Variants in AP3B1 observed in about 807,000 individuals in gnomAD.
The protein encoded by AP3B1 is AP-3 complex subunit beta-1.
In AP3B1, 61 loss-of-function variants were observed where a neutral mutation model predicts 132.5. The ratio of observed to expected loss-of-function variants is 0.46; its 90% confidence interval spans 0.37 to 0.57. The LOEUF (loss-of-function observed/expected upper bound fraction) is 0.57. Ranked by LOEUF, AP3B1 falls within the 20% of genes least tolerant of loss-of-function variation. AP3B1 has a pLI of 0.00. For synonymous variants in AP3B1, 388 were observed against 438.3 expected (o/e 0.89, Z 1.43); for missense variants, 1,120 against 1,289.4 (o/e 0.87, Z 2.01).
chr5:78,117,493 A>G (rs142917434), intron 17 of AP3B1, among the ~76,000 whole-genome samples: 5,327 of 151,934 alleles, frequency 0.035, 305 homozygotes, highest in African/African-American at 0.12. Flanking sequence ...TATTTTTAGT[A>G]GAGACAGGAT....
At chr5:78,257,032 A>C (rs534923877) in intron 2 of AP3B1, among the ~76,000 whole-genome samples, 91 of 152,246 alleles carry the variant, frequency 6.0e-4, no homozygotes, top group African/African-American at 2.1e-3. Context: ...ACATAATAAA[A>C]ACTATATATG....
chr5:78,171,368 G>A (rs1447037647), intron 11 of AP3B1, among the ~76,000 whole-genome samples: 2 of 152,108 alleles, frequency 1.3e-5, no homozygotes, highest in Non-Finnish European at 2.9e-5. Context: ...ATCCATGAGC[G>A]TGAAATGTTC....
At chr5:78,053,696 A>AG (rs778830409) in intron 22 of AP3B1, among the ~76,000 whole-genome samples, 20,499 of 143,930 alleles carry the variant, frequency 0.14, 1,806 homozygotes, top group Admixed American at 0.23. Flanking sequence ...AAAAAAAAAA[A>AG]AGAAAGAAAA....
chr5:78,204,058 C>T (rs1745406235), intron 7 of AP3B1, among the ~76,000 whole-genome samples: 1 of 152,120 alleles, frequency 6.6e-6, no homozygotes, highest in South Asian at 2.1e-4. Context: ...GCTAGCAAAT[C>T]CAATGTCTGG....
At chr5:78,118,324 G>A (rs1751958328) in intron 17 of AP3B1, among the ~76,000 whole-genome samples, 1 of 152,196 alleles carries the variant, frequency 6.6e-6, no homozygotes, top group African/African-American at 2.4e-5. Flanking sequence ...TCACTAGAGA[G>A]TGCCAGACAG....
intron 19 of AP3B1, among the ~76,000 whole-genome samples, chr5:78,112,647 A>G (rs1033489687): frequency 3.3e-5 from 5 of 152,206 alleles, no homozygotes; most frequent in Non-Finnish European, 7.3e-5. Context: ...CTCAAAGACA[A>G]GGCTATTATA....
chr5:78,001,628 T>A (rs1462102716), downstream of AP3B1: 1 of 152,226 alleles, frequency 6.6e-6, no homozygotes, highest in East Asian at 1.9e-4. Context: ...TCTGTTTTGT[T>A]CTTTTCAATA....
At chr5:78,099,370 C>G (rs987350297) in intron 21 of AP3B1, among the ~76,000 whole-genome samples, 2 of 152,100 alleles carry the variant, frequency 1.3e-5, no homozygotes, top group African/African-American at 4.8e-5. Context: ...TAGAAAGGCC[C>G]TTGGCAGAAA....
intron 21 of AP3B1, among the ~76,000 whole-genome samples, chr5:78,095,367 ATT>A (rs1451448792): frequency 1.3e-5 from 2 of 152,214 alleles, no homozygotes; most frequent in Non-Finnish European, 2.9e-5. Context: ...TTCTTTCAAG[ATT>A]AATCTAATTC....
chr5:78,259,699 G>A lies in AP3B1; in HGVS notation c.204+7821C>T, dbSNP rs544439196. On this transcript the variant is annotated intron_variant, in intron 2 of 26. Coordinates refer to ENST00000255194, the MANE Select transcript of AP3B1 (RefSeq NM_003664.5). The stretch of plus-strand genomic sequence containing the variant: ...ATACATATATATGGCCGGGTGCAGT[G>A]GCTCACGCCTGTAATCCCAGCACTT... Among the ~76,000 whole-genome samples the A allele has an allele frequency of 2.6e-5, 4 of 152,272 alleles. No individual in the cohort carries two copies. The East Asian group carries it at 7.7e-4, about 29-fold the overall frequency.
rs540461675 is a variant in AP3B1, at chr5:78,219,961, T to C, written c.604-3724A>G. On this transcript the variant is annotated intron_variant, in intron 6 of 26. Coordinates refer to ENST00000255194, the MANE Select transcript of AP3B1 (RefSeq NM_003664.5). The stretch of plus-strand genomic sequence containing the variant: ...GCAACAAATAAATTCCTTTTCAAAA[T>C]GTGGAAATAAATTAGACCTGGTACA... Among the ~76,000 whole-genome samples, 11 of 152,216 alleles carry C rather than the reference T, an allele frequency of 7.2e-5. No homozygotes were observed. The East Asian group carries it at 2.1e-3, about 29-fold the overall frequency.
chr5:78,201,074 C>A (rs1484943913), intron 7 of AP3B1, among the ~76,000 whole-genome samples: 1 of 152,114 alleles, frequency 6.6e-6, no homozygotes, highest in African/African-American at 2.4e-5. Flanking sequence ...AAGCAAAGGA[C>A]AGAGGCCTCA....
chr5:78,099,731 T>TAA (rs1248257258), intron 21 of AP3B1, among the ~76,000 whole-genome samples: 8 of 150,396 alleles, frequency 5.3e-5, no homozygotes, highest in Non-Finnish European at 1.2e-4. Flanking sequence ...CCGCCTCTAC[T>TAA]AAAAAAAAAT....
At chr5:78,143,357 A>G (rs1753233764) in intron 14 of AP3B1, among the ~76,000 whole-genome samples, 1 of 152,178 alleles carries the variant, frequency 6.6e-6, no homozygotes, top group Non-Finnish European at 1.5e-5. Context: ...ATAAATCACA[A>G]TGCTCACAAT....
chr5:78,137,821 T>C lies in AP3B1; in HGVS notation c.1650+3322A>G, dbSNP rs568145664. ...GATAAAGAAATTTACTATTTGATTA[T>C]TCTTCAAACATACAAATAAATACAA... On this transcript the variant is annotated intron_variant, in intron 15 of 26. Transcript: ENST00000255194. Among the ~76,000 whole-genome samples, 6 of 152,364 alleles carry C rather than the reference T, an allele frequency of 3.9e-5. No individual in the cohort carries two copies. In the South Asian group the frequency reaches 1.2e-3, roughly 32 times the overall value.
At chr5:78,283,915 C>G (rs569381187) in intron 1 of AP3B1, among the ~76,000 whole-genome samples, 10 of 152,304 alleles carry the variant, frequency 6.6e-5, no homozygotes, top group Admixed American at 4.6e-4. Flanking sequence ...AATTTCTGAG[C>G]ATGGTATGCA....
At chr5:78,056,890 G>C (rs193093777) in intron 22 of AP3B1, among the ~76,000 whole-genome samples, 181 of 152,178 alleles carry the variant, frequency 1.2e-3, no homozygotes, top group African/African-American at 4.0e-3. Flanking sequence ...CATTTATTTT[G>C]TACTACAAGC....
In AP3B1 at chr5:78,216,193, C is replaced by T. The variant is rs773924247; in HGVS notation, c.648G>A (p.Pro216=). 2.8e-5 allele frequency: 45 copies of T among 1,613,892 alleles called. No homozygotes were observed. The East Asian group carries it at 3.6e-4, about 13-fold the overall frequency. ...TTTTATGAATCAGATCTATTCTGTC[C>T]GGGCATACTTCTTCAAAAGCCATCA... ...SVVMAFEEVC[P]DRIDLIHKNY... The change falls in exon 7 of 27, where the codon CCG becomes CCA. Residue 216 remains proline (P), a synonymous_variant. Transcript: ENST00000255194.
At position 78,002,662 on chromosome 5, in the gene AP3B1, C is replaced by G. The variant is rs1251829155; in HGVS notation, c.*240G>C. The G allele has an allele frequency of 1.6e-5, 10 of 608,448 alleles. No homozygotes were observed. Among genetic ancestry groups the G allele is most frequent in the Non-Finnish European group, 2.9e-5 (10 of 343,952 alleles). The allele number at this position is 608,448 out of a possible 1,614,324, so 37.7% of individuals were successfully genotyped here. A position where few individuals can be genotyped will look rare whatever the true frequency, so the allele number is the denominator to read the frequency against. The stretch of plus-strand genomic sequence containing the variant: ...GGACAGAGAAAACGCCACATGGATT[C>G]AAGAGTTGAGACAACTGACAGTAAA... On this transcript the variant is annotated 3_prime_UTR_variant, in exon 27 of 27. Transcript: ENST00000255194.
Sources: allele counts gnomAD v4.1 joint callset (sites outside exome capture counted in the v4.1 genomes callset), GRCh38; gene constraint gnomAD v4.1.1; transcripts MANE v1.5; gene names NCBI Gene and HGNC (gene_info 2026-07-23, HGNC 2026-07-21).